Variants in CHL1 observed in about 807,000 individuals in gnomAD.
CHL1 encodes neural cell adhesion molecule L1-like protein.
CHL1 carries 96 observed loss-of-function variants against 141.9 expected under a neutral mutation model. The observed-to-expected ratio is 0.68, with a 90% confidence interval of 0.57 to 0.80. The LOEUF (loss-of-function observed/expected upper bound fraction) is 0.80. Ranked by LOEUF, CHL1 falls within the 30% of genes least tolerant of loss-of-function variation. CHL1 has a pLI of 0.00. For synonymous variants in CHL1, 613 were observed against 502.2 expected (o/e 1.22, Z -2.95); for missense variants, 1,820 against 1,457.2 (o/e 1.25, Z -4.05).
chr3:246,573 CTT>C, intron 2 of CHL1: 1 of 152,186 alleles, frequency 6.6e-6, no homozygotes, highest in East Asian at 1.9e-4. Context: ...TTCAGAATCT[CTT>C]GTTTGGAAAT....
chr3:251,551 T>C (rs919712286), intron 2 of CHL1, among the ~76,000 whole-genome samples: 3 of 152,138 alleles, frequency 2.0e-5, no homozygotes, highest in Non-Finnish European at 2.9e-5. Flanking sequence ...TGAGTTTCAA[T>C]TTCACACTTC....
At chr3:379,647 T>G (rs949811311) in intron 16 of CHL1, among the ~76,000 whole-genome samples, 3 of 152,160 alleles carry the variant, frequency 2.0e-5, no homozygotes, top group African/African-American at 7.2e-5. Flanking sequence ...AAGTTCATTC[T>G]TGCGATTAGG....
At chr3:242,082 G>T (rs1264821024) in intron 1 of CHL1, among the ~76,000 whole-genome samples, 2 of 152,034 alleles carry the variant, frequency 1.3e-5, no homozygotes, top group Non-Finnish European at 2.9e-5. Flanking sequence ...ATCCTAAATT[G>T]TACAGAGACA....
chr3:399,266 A>G (rs1708920734), intron 26 of CHL1, 118 bp downstream of exon 26: 1 of 722,762 alleles, frequency 1.4e-6, no homozygotes. Context: ...TTAGCAAGTT[A>G]GATGTACAAT....
intron 1 of CHL1, among the ~76,000 whole-genome samples, chr3:241,675 A>G (rs1009616845): frequency 2.0e-5 from 3 of 151,610 alleles, no homozygotes; most frequent in African/African-American, 7.3e-5. Context: ...CATACTTTTT[A>G]AATCTTAGTT....
chr3:340,314 T>G (rs1702254825), intron 5 of CHL1, among the ~76,000 whole-genome samples: 1 of 152,152 alleles, frequency 6.6e-6, no homozygotes, highest in Non-Finnish European at 1.5e-5. Flanking sequence ...TTTCTCCATA[T>G]GGGCTGGGAA....
At chr3:355,568 G>A (rs943652242) in intron 11 of CHL1, among the ~76,000 whole-genome samples, 1 of 152,164 alleles carries the variant, frequency 6.6e-6, no homozygotes, top group South Asian at 2.1e-4. Context: ...TTAAGAGCAG[G>A]TACGATAGTG....
rs147342117 is a variant in CHL1 at position 294,497 on chromosome 3, C to T, written c.-94-25186C>T. 6.9e-3 allele frequency among the ~76,000 whole-genome samples: 1,052 copies of T among 152,276 alleles called. 11 individuals carry two copies. The highest frequency in any genetic ancestry group is 0.024 in the African/African-American group (984 of 41,542). On this transcript the variant is annotated intron_variant, in intron 2 of 27. Transcript: ENST00000256509. ...ATTACGTTGACTGTGAGTCTTAAAACGGTAACCACAAACAGGTTATACCAA... is the reference window on the plus strand; with the variant it reads ...ATTACGTTGACTGTGAGTCTTAAAATGGTAACCACAAACAGGTTATACCAA...
intron 2 of CHL1, among the ~76,000 whole-genome samples, chr3:266,909 A>C (rs1483631304): frequency 6.6e-6 from 1 of 152,186 alleles, no homozygotes; most frequent in African/African-American, 2.4e-5. Context: ...AGGGTGCAGG[A>C]AATCATTTCA....
intron 10 of CHL1, among the ~76,000 whole-genome samples, chr3:351,331 A>G (rs531514154): frequency 6.6e-6 from 1 of 152,332 alleles, no homozygotes; most frequent in South Asian, 2.1e-4. Context: ...GTTTTTATGA[A>G]GAACTTTTAA....
intron 12 of CHL1, 116 bp downstream of exon 12, chr3:360,540 A>G (rs746107047): frequency 4.0e-6 from 4 of 995,652 alleles, no homozygotes; most frequent in African/African-American, 1.7e-5. Context: ...AAATCAAACT[A>G]CTTTTCACCA....
intron 2 of CHL1, among the ~76,000 whole-genome samples, chr3:266,708 A>T (rs1559357818): frequency 6.6e-6 from 1 of 152,184 alleles, no homozygotes; most frequent in Admixed American, 6.5e-5. Flanking sequence ...AGCAAATGGC[A>T]TTGTCCTGAG....
chr3:403,725 A>G (rs1406370474), intron 27 of CHL1, among the ~76,000 whole-genome samples: 1 of 152,120 alleles, frequency 6.6e-6, no homozygotes, highest in African/African-American at 2.4e-5. Context: ...ATTTCCTATG[A>G]CATCCCTTTA....
chr3:238,371 C>T (rs13062390), intron 1 of CHL1, among the ~76,000 whole-genome samples: 76,895 of 151,690 alleles, frequency 0.51, 21,128 homozygotes, highest in Non-Finnish European at 0.61. Flanking sequence ...TCACTCAAAA[C>T]CTCCAGTGTT....
At chr3:364,234 T>G (rs1704586117) in intron 14 of CHL1, among the ~76,000 whole-genome samples, 1 of 152,160 alleles carries the variant, frequency 6.6e-6, no homozygotes, top group African/African-American at 2.4e-5. Flanking sequence ...TTCTGTGCCC[T>G]GAGTAAATCA....
intron 2 of CHL1, among the ~76,000 whole-genome samples, chr3:271,816 G>A (rs1335153811): frequency 1.3e-5 from 2 of 152,142 alleles, no homozygotes; most frequent in African/African-American, 2.4e-5. Flanking sequence ...GTGTGTTGGG[G>A]AAGCATCTTA....
chr3:352,498 A>C (rs1411074091), intron 10 of CHL1, among the ~76,000 whole-genome samples: 1 of 152,214 alleles, frequency 6.6e-6, no homozygotes, highest in Non-Finnish European at 1.5e-5. Context: ...ATTATGAGAA[A>C]ATGCATAAAG....
At chr3:197,633 G>GC (rs997253446) in intron 1 of CHL1, 3 of 366,944 alleles carry the variant, frequency 8.2e-6, no homozygotes, top group African/African-American at 6.7e-5. Context: ...CCCAGCCCGG[G>GC]GGGGGTTCCG....
At chr3:253,252 C>T (rs527742943) in intron 2 of CHL1, among the ~76,000 whole-genome samples, 14 of 151,996 alleles carry the variant, frequency 9.2e-5, no homozygotes, top group South Asian at 2.1e-4. Flanking sequence ...TGATGTATCT[C>T]GTTATGAACC....
Sources: gnomAD v4.1 joint callset for allele counts (sites outside exome capture counted in the v4.1 genomes callset) on GRCh38, gnomAD v4.1.1 for gene constraint, MANE v1.5 for transcripts, NCBI Gene and HGNC (gene_info 2026-07-23, HGNC 2026-07-21) for gene names.